The following TRIM25 variants were observed in gnomAD, a reference collection of about 807,000 sequenced individuals.
TRIM25 encodes tripartite motif containing 25.
Under a neutral mutation model 65.2 loss-of-function variants are expected in TRIM25, and 45 were observed. The observed-to-expected ratio is 0.69, with a 90% CI of 0.54 to 0.89. TRIM25 has a LOEUF of 0.89. Among genes scored for constraint, TRIM25 ranks in the 40% least tolerant of loss-of-function variants. The pLI is 0.00. For synonymous variants in TRIM25, 321 were observed against 340.4 expected (o/e 0.94, Z 0.63); for missense variants, 714 against 803.7 (o/e 0.89, Z 1.35).
intron 4 of TRIM25, among the ~76,000 whole-genome samples, chr17:56,900,792 T>C (rs1909395083): frequency 6.6e-6 from 1 of 151,696 alleles, no homozygotes; most frequent in South Asian, 2.1e-4. Context: ...GGGTCAAGGG[T>C]TTGGTCTGCA....
Position 56,892,284 on chromosome 17 carries a change from A to G in TRIM25, c.1364-55T>C, listed in dbSNP as rs1339416987. 11 of 1,523,330 alleles carry G rather than the reference A, an allele frequency of 7.2e-6. No individual in the cohort carries two copies. The African/African-American group carries it at 1.5e-4, about 21-fold the overall frequency. The allele number at this position is 1,523,330 out of a possible 1,614,324, so 94.4% of individuals were successfully genotyped here. ...TACAAGGGGCCCAAAGTGCTCTTTT[A>G]GACCTTTGCCAAAGTGGTACTATTT... On this transcript the variant is annotated intron_variant, in intron 8 of 8. Transcript: ENST00000316881.
In TRIM25 at chr17:56,913,494, T is replaced by A. The variant is rs1282604440; in HGVS notation, c.495A>T (p.Glu165Asp). ...ACTCGCTGTGCTCGGGGCAGAAAAA[T>A]TCCCGCAGCCGATTGTGCTGGGAAC... Reference protein sequence around the residue: ...RKCSQHNRLREFFCPEHSECI... With the variant: ...RKCSQHNRLRDFFCPEHSECI... The change falls in exon 1 of 9, where the codon GAA becomes GAT. Residue 165 changes from glutamate to aspartate, a missense_variant. Transcript: ENST00000316881. This position sits in a 1 kb window ranked among gnomAD's most constrained non-coding sequence, Gnocchi z 6.1. 8.1e-6 allele frequency: 13 copies of A among 1,613,394 alleles called. No individual in the cohort carries two copies. In the East Asian group the frequency reaches 2.7e-4, roughly 33 times the overall value.
At chr17:56,908,589 G>A (rs1394083150) in intron 1 of TRIM25, 26 bp from the exon 2 acceptor site, 3 of 1,603,450 alleles carry the variant, frequency 1.9e-6, no homozygotes, top group Admixed American at 3.3e-5. Flanking sequence ...ATGAGGTTGA[G>A]AATGCACCTC....
chr17:56,898,978 TG>T, intron 5 of TRIM25, 136 bp downstream of exon 5: 1 of 938,624 alleles, frequency 1.1e-6, no homozygotes, highest in Non-Finnish European at 1.7e-6. Context: ...CCCCCCGCAG[TG>T]GGGACTGCCA....
At chr17:56,902,200 G>GC (rs1555605657) in intron 3 of TRIM25, among the ~76,000 whole-genome samples, 1 of 152,180 alleles carries the variant, frequency 6.6e-6, no homozygotes, top group Non-Finnish European at 1.5e-5. Flanking sequence ...GACTAGGCAC[G>GC]CATCAGGCCT....
intron 3 of TRIM25, among the ~76,000 whole-genome samples, chr17:56,902,199 C>A (rs1026577349): frequency 1.3e-5 from 2 of 152,196 alleles, no homozygotes; most frequent in African/African-American, 4.8e-5. Flanking sequence ...AGACTAGGCA[C>A]GCATCAGGCC....
rs560678268 is a variant in TRIM25 at position 56,889,455 on chromosome 17, C to A, written c.*2245G>T. 3.4e-6 allele frequency: 1 copy of A among 290,754 alleles called. No homozygotes were observed. Among genetic ancestry groups the A allele is most frequent in the Non-Finnish European group, 6.3e-6 (1 of 158,082 alleles). 18.0% of individuals were successfully genotyped at this position (290,754 alleles called of 1,614,324 possible). On this transcript the variant is annotated 3_prime_UTR_variant, in exon 9 of 9. Transcript: ENST00000316881. Reference sequence around the variant, plus strand: ...CAAAGGTTCCTCCAACTCTAGGACTCCAGGGTTGTGTGGCGGCCCTGCAAG... The same window carrying A: ...CAAAGGTTCCTCCAACTCTAGGACTACAGGGTTGTGTGGCGGCCCTGCAAG...
At chr17:56,904,106 C>T (rs924934292) in intron 3 of TRIM25, 149 bp downstream of exon 3, 75 of 665,470 alleles carry the variant, frequency 1.1e-4, no homozygotes, top group Non-Finnish European at 1.8e-4. Flanking sequence ...AAGTTGTTGC[C>T]CAGCTCAGAA....
Position 56,890,015 on chromosome 17 carries a change from CA to C in TRIM25, c.*1684del. 7 of 402,698 alleles carry C rather than the reference CA, an allele frequency of 1.7e-5. No individual in the cohort carries two copies. Among genetic ancestry groups the C allele is most frequent in the South Asian group, 1.2e-4 (1 of 8,220 alleles). 24.9% of individuals were successfully genotyped at this position (402,698 alleles called of 1,614,324 possible). Reference sequence around the variant, plus strand: ...ACCTGCATGTCAGGTGTGTAGCTGTCAGGAATATCAAGTGTTCTGAGCCTGC... The same window carrying C: ...ACCTGCATGTCAGGTGTGTAGCTGTCGGAATATCAAGTGTTCTGAGCCTGC... On this transcript the variant is annotated 3_prime_UTR_variant, in exon 9 of 9. Coordinates refer to ENST00000316881, the MANE Select transcript of TRIM25 (RefSeq NM_005082.5).
chr17:56,905,409 C>G (rs1909500989), intron 2 of TRIM25, among the ~76,000 whole-genome samples: 1 of 152,050 alleles, frequency 6.6e-6, no homozygotes, highest in Non-Finnish European at 1.5e-5. Flanking sequence ...CAGGATGCAG[C>G]TCTGGAAAAT....
intron 8 of TRIM25, among the ~76,000 whole-genome samples, 196 bp downstream of exon 8, chr17:56,895,147 T>C (rs915594527): frequency 3.3e-5 from 5 of 151,374 alleles, no homozygotes; most frequent in Admixed American, 6.6e-5. Context: ...AAAGGACCGA[T>C]TGTGAAATCT....
At chr17:56,892,837 C>T (rs1246879947) in intron 8 of TRIM25, among the ~76,000 whole-genome samples, 1 of 152,232 alleles carries the variant, frequency 6.6e-6, no homozygotes, top group Non-Finnish European at 1.5e-5. Flanking sequence ...ATGGAGTTCA[C>T]ACTCCAACAA....
At chr17:56,899,203 A>C (rs1567839707) in intron 4 of TRIM25, 23 bp from the exon 5 acceptor site, 2 of 1,614,022 alleles carry the variant, frequency 1.2e-6, no homozygotes, top group East Asian at 2.2e-5. Context: ...AGAAGGGCTC[A>C]GTGTGTGCGG....
intron 5 of TRIM25, among the ~76,000 whole-genome samples, chr17:56,896,941 C>CAAA (rs111639452): frequency 7.3e-6 from 1 of 136,138 alleles, no homozygotes. Context: ...CCTGTCTCTA[C>CAAA]AAAAAAAAAA....
chr17:56,898,261 AGTATATGAACATCTCAGCG>A (rs1567839381), intron 5 of TRIM25, among the ~76,000 whole-genome samples: 3 of 148,856 alleles, frequency 2.0e-5, no homozygotes, highest in African/African-American at 7.8e-5. Context: ...ACATGTCAGC[AGTATATGAACATCTCAGCG>A]GTATATGGAC....
At chr17:56,896,955 T>A (rs1299462051) in intron 5 of TRIM25, among the ~76,000 whole-genome samples, 1 of 151,076 alleles carries the variant, frequency 6.6e-6, no homozygotes, top group Non-Finnish European at 1.5e-5. Flanking sequence ...AAAAAAAAAA[T>A]TGTTTTAATT....
chr17:56,902,009 G>T (rs1909421696), intron 3 of TRIM25, among the ~76,000 whole-genome samples: 1 of 152,166 alleles, frequency 6.6e-6, no homozygotes, highest in Admixed American at 6.5e-5. Context: ...CAAGGGATGT[G>T]GATTGCAGCC....
intron 3 of TRIM25, 79 bp downstream of exon 3, chr17:56,904,176 T>C (rs1909470769): frequency 8.0e-7 from 1 of 1,251,634 alleles, no homozygotes; most frequent in African/African-American, 1.5e-5. Flanking sequence ...CTCCCGCTCC[T>C]TGAGGGCCCT....
chr17:56,894,218 G>A (rs1909239865), intron 8 of TRIM25, among the ~76,000 whole-genome samples: 1 of 152,098 alleles, frequency 6.6e-6, no homozygotes, highest in Admixed American at 6.6e-5. Flanking sequence ...GCTAGAACAG[G>A]GCCCAGGAAT....
Sources: gnomAD v4.1 joint callset for allele counts (sites outside exome capture counted in the v4.1 genomes callset) on GRCh38, gnomAD v4.1.1 for gene constraint, Gnocchi (gnomAD v3.1) non-coding constraint, MANE v1.5 for transcripts, NCBI Gene and HGNC (gene_info 2026-07-23, HGNC 2026-07-21) for gene names.